Variants in PACSIN2 observed in about 807,000 individuals in gnomAD.
PACSIN2 encodes protein kinase C and casein kinase substrate in neurons 2, also known as protein kinase C and casein kinase substrate in neurons protein 2.
A neutral mutation model predicts 63.8 loss-of-function variants in PACSIN2; 25 were observed. The ratio of observed to expected loss-of-function variants is 0.39; its 90% CI spans 0.29 to 0.55. PACSIN2 has a LOEUF of 0.55. Ranked by LOEUF, PACSIN2 falls within the 20% of genes least tolerant of loss-of-function variation. The pLI is 0.62. For missense variants in PACSIN2, 518 were observed against 646.9 expected (o/e 0.80, Z 2.16); for synonymous variants, 255 against 256.2 (o/e 1.00, Z 0.05).
intron 1 of PACSIN2, among the ~76,000 whole-genome samples, chr22:42,999,918 G>A (rs930511020): frequency 2.0e-5 from 3 of 152,230 alleles, no homozygotes; most frequent in South Asian, 2.1e-4. Context: ...CAGAGGCACC[G>A]ATGGCTGTGC....
intron 1 of PACSIN2, among the ~76,000 whole-genome samples, chr22:43,012,813 C>A (rs1305735093): frequency 1.3e-5 from 2 of 152,148 alleles, no homozygotes; most frequent in African/African-American, 4.8e-5. Flanking sequence ...CACCACCACA[C>A]CCAGCTAATT....
intron 1 of PACSIN2, among the ~76,000 whole-genome samples, chr22:42,933,945 G>T (rs528738419): frequency 4.3e-4 from 66 of 152,324 alleles, no homozygotes; most frequent in Non-Finnish European, 7.3e-4. Flanking sequence ...CCAGTTCACA[G>T]AACTGTTTAA....
At position 42,885,232 on chromosome 22, in the gene PACSIN2, G is replaced by C. The variant is rs149904895; in HGVS notation, c.610-671C>G. Among the ~76,000 whole-genome samples, 292 of 152,276 alleles carry C rather than the reference G, an allele frequency of 1.9e-3. 1 individual carries two copies. Among genetic ancestry groups the C allele is most frequent in the African/African-American group, 6.7e-3 (277 of 41,548 alleles). The stretch of plus-strand genomic sequence containing the variant: ...AATTCCTAAGACATGGCTAAAGTGG[G>C]CACATTCATCTGGTGGGGATGTGCC... On this transcript the variant is annotated intron_variant, in intron 5 of 10. Coordinates refer to ENST00000263246, the MANE Select transcript of PACSIN2 (RefSeq NM_001184970.3).
intron 3 of PACSIN2, among the ~76,000 whole-genome samples, chr22:42,892,202 T>C (rs1457158649): frequency 6.7e-6 from 1 of 150,320 alleles, no homozygotes; most frequent in Non-Finnish European, 1.5e-5. Flanking sequence ...GGCGTGAGGC[T>C]GGAGGGAGGG....
intron 1 of PACSIN2, among the ~76,000 whole-genome samples, chr22:42,943,702 T>G (rs73886185): frequency 0.03 from 4,510 of 152,100 alleles, 220 homozygotes; most frequent in African/African-American, 0.1. Flanking sequence ...ACATTATATA[T>G]TTTGATGAAT....
intron 1 of PACSIN2, among the ~76,000 whole-genome samples, chr22:42,936,833 C>T (rs548081719): frequency 1.3e-5 from 2 of 151,118 alleles, no homozygotes. Flanking sequence ...ATCACCTGAA[C>T]CCGCGAGACG....
intron 1 of PACSIN2, among the ~76,000 whole-genome samples, chr22:42,979,598 C>CA (rs1314484936): frequency 6.7e-6 from 1 of 148,358 alleles, no homozygotes; most frequent in African/African-American, 2.5e-5. Context: ...TAAAAACAGT[C>CA]AAAAAACAAA....
rs1602154100 is a variant in PACSIN2 at position 42,871,463 on chromosome 22, T to C, written c.1355A>G (p.Glu452Gly). Residue 452 changes from glutamate (E) to glycine (G), a missense_variant, in exon 11 of 11, where the codon GAG becomes GGG. Physicochemically the swap from Glu to Gly is moderately conservative, Grantham distance 98. Around this residue, in one of 2 missense-constraint regions of PACSIN2, gnomAD observed 507 missense variants for 612.3 expected, o/e 0.83. Transcript: ENST00000263246. This position sits in a 1 kb window ranked among gnomAD's most constrained non-coding sequence, Gnocchi z 5.4. Reference protein sequence around the residue: ...HDELSFKAGDELTKMEDEDEQ... With the variant: ...HDELSFKAGDGLTKMEDEDEQ... ...ATCCTCGTCCTCCATCTTGGTCAGC[T>C]CATCCCCTGCAAGACAAAGAGGGAG... The C allele has an allele frequency of 6.2e-7, 1 of 1,612,558 alleles. No homozygotes were observed. Among genetic ancestry groups the C allele is most frequent in the African/African-American group, 1.3e-5 (1 of 75,020 alleles).
intron 1 of PACSIN2, among the ~76,000 whole-genome samples, chr22:42,955,219 A>G (rs905664059): frequency 2.8e-4 from 42 of 152,196 alleles, no homozygotes; most frequent in African/African-American, 9.6e-4. Context: ...ATGGATCCCT[A>G]GAGTCTAGCA....
intron 1 of PACSIN2, among the ~76,000 whole-genome samples, chr22:42,992,286 G>T (rs1356144013): frequency 6.6e-6 from 1 of 152,182 alleles, no homozygotes; most frequent in Non-Finnish European, 1.5e-5. Context: ...TGTTGGTGAG[G>T]ATGTGGGGGA....
At chr22:42,894,247 A>AT (rs970917848) in intron 2 of PACSIN2, among the ~76,000 whole-genome samples, 2 of 120,804 alleles carry the variant, frequency 1.7e-5, no homozygotes, top group African/African-American at 6.4e-5. Flanking sequence ...GCTGAAGGCA[A>AT]TTGTTTTTTT....
At chr22:42,916,414 T>TG (rs1413098247) in intron 1 of PACSIN2, among the ~76,000 whole-genome samples, 7 of 1,062 alleles carry the variant, frequency 6.6e-3, no homozygotes, top group Non-Finnish European at 0.014. Flanking sequence ...GGGGTGGGGA[T>TG]GGGGGGTGGG....
intron 1 of PACSIN2, among the ~76,000 whole-genome samples, chr22:42,971,037 C>T (rs756903656): frequency 6.6e-5 from 10 of 152,190 alleles, no homozygotes; most frequent in South Asian, 2.1e-4. Context: ...TGCAGGCTAA[C>T]GCTAAGCTAA....
intron 1 of PACSIN2, among the ~76,000 whole-genome samples, chr22:43,014,789 T>G (rs1336996108): frequency 2.5e-5 from 1 of 40,316 alleles, no homozygotes; most frequent in Non-Finnish European, 4.9e-5. Flanking sequence ...CCGACCCCAC[T>G]CGCCCTCGTC....
chr22:42,982,881 A>AAAAAC (rs1269025289), intron 1 of PACSIN2, among the ~76,000 whole-genome samples: 1 of 134,160 alleles, frequency 7.5e-6, no homozygotes, highest in East Asian at 2.2e-4. Context: ...AAAAAAAAAA[A>AAAAAC]AAAAAAAAAC....
intron 1 of PACSIN2, among the ~76,000 whole-genome samples, chr22:42,952,276 C>T (rs1933727791): frequency 6.6e-6 from 1 of 152,112 alleles, no homozygotes; most frequent in Non-Finnish European, 1.5e-5. Context: ...CACAGCAAAC[C>T]AGGTATCTTA....
At position 42,871,181 on chromosome 22, in the gene PACSIN2, C is replaced by T. The variant is rs755307767; in HGVS notation, c.*176G>A. 4.0e-5 allele frequency: 25 copies of T among 618,066 alleles called. No individual in the cohort carries two copies. The highest frequency in any genetic ancestry group is 5.6e-5 in the Non-Finnish European group (19 of 342,160). The allele number at this position is 618,066 out of a possible 1,614,324, so 38.3% of individuals were successfully genotyped here. ...GCGCTCAGATCCCTCCAGCTGCACT[C>T]GGAAAGGTGCCGAGTCCCAGGCGAA... On this transcript the variant is annotated 3_prime_UTR_variant, in exon 11 of 11. Coordinates refer to ENST00000263246, the MANE Select transcript of PACSIN2 (RefSeq NM_001184970.3). The surrounding 1 kb of genome is among the most constrained non-coding windows in gnomAD (Gnocchi z 5.4).
At chr22:42,910,888 C>T (rs572325851) in intron 2 of PACSIN2, among the ~76,000 whole-genome samples, 1 of 151,662 alleles carries the variant, frequency 6.6e-6, no homozygotes, top group Non-Finnish European at 1.5e-5. Context: ...TAGCACACTA[C>T]AGGTACTCAG....
intron 1 of PACSIN2, among the ~76,000 whole-genome samples, chr22:42,943,872 A>G (rs738391): frequency 0.6 from 91,611 of 152,038 alleles, 28,152 homozygotes; most frequent in East Asian, 0.78. Context: ...AATACAATAT[A>G]GAAAGCAAAG....
Sources: gnomAD v4.1 joint callset for allele counts (sites outside exome capture counted in the v4.1 genomes callset) on GRCh38, gnomAD v4.1.1 for gene constraint, gnomAD v4.1.1 regional missense constraint, Gnocchi (gnomAD v3.1) non-coding constraint, MANE v1.5 for transcripts, NCBI Gene and HGNC (gene_info 2026-07-23, HGNC 2026-07-21) for gene names.